Variants in RPS6KC1 observed in about 807,000 individuals in gnomAD.
RPS6KC1 encodes the protein inactive ribosomal protein S6 kinase delta-1.
In RPS6KC1, 54 loss-of-function variants were observed where a neutral mutation model predicts 103.8. The ratio of observed to expected loss-of-function variants is 0.52; its 90% CI spans 0.42 to 0.65. RPS6KC1 has a LOEUF of 0.65. Among genes scored for constraint, RPS6KC1 ranks in the 30% least tolerant of loss-of-function variants. The pLI, the probability that RPS6KC1 is intolerant of heterozygous loss-of-function variation, is 0.00. For missense variants in RPS6KC1, 1,151 were observed against 1,253.8 expected (o/e 0.92, Z 1.24); for synonymous variants, 439 against 438.7 (o/e 1.00, Z -0.01).
At chr1:213,277,796 A>G (rs2095115018), downstream of RPS6KC1, among the ~76,000 whole-genome samples, 1 of 152,254 alleles carries the variant, frequency 6.6e-6, no homozygotes, top group Non-Finnish European at 1.5e-5. Context: ...TTAATGTGGT[A>G]GGAAAGAATG....
At chr1:213,836,264 T>C in the RPS6KC1 span, among the ~76,000 whole-genome samples, 2 of 151,690 alleles carry the variant, frequency 1.3e-5, no homozygotes, top group South Asian at 2.1e-4. Context: ...TCAGTAAAGA[T>C]GTCAATTCTC....
the RPS6KC1 span, among the ~76,000 whole-genome samples, chr1:213,371,106 C>G: frequency 3.3e-5 from 5 of 152,038 alleles, no homozygotes; most frequent in Non-Finnish European, 7.4e-5. Context: ...AACAACTCCC[C>G]CTTGCTCCTT....
At chr1:213,626,024 GA>G in the RPS6KC1 span, among the ~76,000 whole-genome samples, 674 of 152,274 alleles carry the variant, frequency 4.4e-3, 7 homozygotes, top group African/African-American at 0.016. Context: ...CACAATGGTT[GA>G]AGTAGTTCAC....
the RPS6KC1 span, among the ~76,000 whole-genome samples, chr1:213,416,226 G>T: frequency 0.013 from 1,911 of 152,338 alleles, 19 homozygotes; most frequent in Non-Finnish European, 0.017. Flanking sequence ...GCTCCCATGG[G>T]GGCAAACCCA....
intron 3 of RPS6KC1, among the ~76,000 whole-genome samples, chr1:213,091,934 T>G (rs1393798247): frequency 1.3e-5 from 2 of 151,468 alleles, no homozygotes; most frequent in African/African-American, 4.8e-5. Context: ...TCAAGGACAT[T>G]CTAAATGAAA....
the RPS6KC1 span, among the ~76,000 whole-genome samples, chr1:213,584,117 GT>G: frequency 6.6e-6 from 1 of 152,070 alleles, no homozygotes; most frequent in African/African-American, 2.4e-5. Flanking sequence ...TTTTCAAGCA[GT>G]TTCCCCTTTC....
the RPS6KC1 span, among the ~76,000 whole-genome samples, chr1:213,857,675 G>A: frequency 1.3e-5 from 2 of 152,194 alleles, no homozygotes; most frequent in Non-Finnish European, 2.9e-5. Flanking sequence ...CAGAAGGCTT[G>A]CTACTATCGC....
chr1:213,595,037 T>C, the RPS6KC1 span, among the ~76,000 whole-genome samples: 1 of 152,152 alleles, frequency 6.6e-6, no homozygotes, highest in Non-Finnish European at 1.5e-5. Flanking sequence ...TCCAGAACAA[T>C]ACTTCTTTAT....
chr1:213,082,248 G>A (rs957773297), intron 3 of RPS6KC1, among the ~76,000 whole-genome samples: 3 of 151,654 alleles, frequency 2.0e-5, no homozygotes, highest in Non-Finnish European at 2.9e-5. Context: ...TTGAAACCCC[G>A]TCTCTACTAA....
At chr1:213,801,225 A>C in the RPS6KC1 span, among the ~76,000 whole-genome samples, 1 of 152,206 alleles carries the variant, frequency 6.6e-6, no homozygotes, top group Non-Finnish European at 1.5e-5. Flanking sequence ...TTCTTCCAAG[A>C]GGTCAAATCA....
In RPS6KC1 at chr1:213,051,461, G is replaced by A. The variant is rs373786068; in HGVS notation, c.57G>A (p.Glu19=). Residue 19 remains glutamate (E), a synonymous_variant, in exon 1 of 15, where the codon GAG becomes GAA. Coordinates refer to ENST00000366960, the MANE Select transcript of RPS6KC1 (RefSeq NM_012424.6). ...TGGCCCGTTTCTACACTGTCACCGAGCCCCAGCGACACCCGAGGGGCTACA... is the reference window on the plus strand; with the variant it reads ...TGGCCCGTTTCTACACTGTCACCGAACCCCAGCGACACCCGAGGGGCTACA... ...ADLARFYTVT[E]PQRHPRGYTV... is the part of the protein sequence containing the mutation. 5 of 1,613,538 alleles carry A rather than the reference G, an allele frequency of 3.1e-6. No homozygotes were observed. In the African/African-American group the frequency reaches 4.0e-5, roughly 13 times the overall value.
chr1:213,440,954 T>G, the RPS6KC1 span, among the ~76,000 whole-genome samples: 2 of 152,176 alleles, frequency 1.3e-5, no homozygotes, highest in African/African-American at 4.8e-5. Flanking sequence ...GCAGACTGGA[T>G]GCATGTGAAA....
At chr1:213,213,815 T>C (rs893083429) in intron 8 of RPS6KC1, among the ~76,000 whole-genome samples, 1 of 152,232 alleles carries the variant, frequency 6.6e-6, no homozygotes, top group African/African-American at 2.4e-5. Context: ...GAAGATAAAC[T>C]TAACTCTGGT....
rs538176193 is a variant in RPS6KC1, at chr1:213,152,048, C to G, written c.836-15810C>G. 1.6e-3 allele frequency among the ~76,000 whole-genome samples: 232 copies of G among 141,070 alleles called. 2 individuals are homozygous for G. Among genetic ancestry groups the G allele is most frequent in the African/African-American group, 5.7e-3 (208 of 36,348 alleles). The allele number at this position is 141,070 out of a possible 152,430, so 92.5% of individuals were successfully genotyped here. On this transcript the variant is annotated intron_variant, in intron 6 of 14. Transcript: ENST00000366960. ...CTCCCGGACGGGGCAGCTGGCCGGG[C>G]GGGGGGCTAACCCCCCCACCTCCCT...
At chr1:213,223,008 A>T (rs1236576451) in intron 8 of RPS6KC1, among the ~76,000 whole-genome samples, 1 of 152,158 alleles carries the variant, frequency 6.6e-6, no homozygotes, top group Non-Finnish European at 1.5e-5. Flanking sequence ...GGAAAAACTT[A>T]TTTGCAAAAT....
the RPS6KC1 span, among the ~76,000 whole-genome samples, chr1:213,304,867 C>A: frequency 3.9e-5 from 6 of 152,238 alleles, no homozygotes; most frequent in East Asian, 1.2e-3. Flanking sequence ...ATTCACCTAA[C>A]ATTATGACAA....
At chr1:213,561,830 G>A in the RPS6KC1 span, among the ~76,000 whole-genome samples, 1 of 152,156 alleles carries the variant, frequency 6.6e-6, no homozygotes, top group South Asian at 2.1e-4. Context: ...CTTTGAAATG[G>A]CAGAAGGGAA....
At chr1:213,179,738 T>C (rs1186841775) in intron 8 of RPS6KC1, among the ~76,000 whole-genome samples, 1 of 152,162 alleles carries the variant, frequency 6.6e-6, no homozygotes, top group Non-Finnish European at 1.5e-5. Flanking sequence ...CACAAACTTT[T>C]ATGTAGAAAA....
chr1:213,097,676 G>T (rs954534389), intron 3 of RPS6KC1, among the ~76,000 whole-genome samples: 3 of 152,202 alleles, frequency 2.0e-5, no homozygotes, highest in African/African-American at 7.2e-5. Flanking sequence ...CCAAAAGAAG[G>T]CTGTTTTATC....
Sources: allele counts gnomAD v4.1 joint callset (sites outside exome capture counted in the v4.1 genomes callset), GRCh38; gene constraint gnomAD v4.1.1; transcripts MANE v1.5; gene names NCBI Gene and HGNC (gene_info 2026-07-23, HGNC 2026-07-21).